The following UBE2M variants were observed in gnomAD, a reference collection of about 807,000 sequenced individuals.
UBE2M encodes the protein ubiquitin conjugating enzyme E2 M.
A neutral mutation model predicts 23.5 loss-of-function variants in UBE2M; 2 were observed. The observed-to-expected ratio is 0.09, with a 90% CI of 0.03 to 0.27. The LOEUF (loss-of-function observed/expected upper bound fraction) is 0.27, where lower values mean the gene tolerates loss of function less well. Ranked by LOEUF, UBE2M falls within the 10% of genes least tolerant of loss-of-function variation. The pLI is 1.00. For missense variants in UBE2M, 103 were observed against 232.9 expected (o/e 0.44, Z 3.63); for synonymous variants, 97 against 95.2 (o/e 1.02, Z -0.11).
Position 58,556,005 on chromosome 19 carries a change from C to G in UBE2M, c.*84G>C. 6.5e-7 allele frequency: 1 copy of G among 1,533,136 alleles called. No individual in the cohort carries two copies. Among genetic ancestry groups the G allele is most frequent in the South Asian group, 1.2e-5 (1 of 84,198 alleles). The allele number at this position is 1,533,136 out of a possible 1,614,324, so 95.0% of individuals were successfully genotyped here. A position where few individuals can be genotyped will look rare whatever the true frequency, so the allele number is the denominator to read the frequency against. On this transcript the variant is annotated 3_prime_UTR_variant, in exon 6 of 6. Transcript: ENST00000253023. This position sits in a 1 kb window ranked among gnomAD's most constrained non-coding sequence, Gnocchi z 4.9. ...GGGGATTCCCCCACCGGCCGCCCCC[C>G]AAACCCCTACCCATGGCCCCCAATA...
Position 58,555,907 on chromosome 19 carries a change from C to G in UBE2M, c.*182G>C. ...GTGGGTCGGGGGAGGCAGCGCCGACCTTAATCACATGGTGTTAAAAAAAAA... is the reference window on the plus strand; with the variant it reads ...GTGGGTCGGGGGAGGCAGCGCCGACGTTAATCACATGGTGTTAAAAAAAAA... On this transcript the variant is annotated 3_prime_UTR_variant, in exon 6 of 6. Transcript: ENST00000253023. 1 of 807,868 alleles carries G rather than the reference C, an allele frequency of 1.2e-6. No individual in the cohort carries two copies. The highest frequency in any genetic ancestry group is 2.7e-5 in the East Asian group (1 of 36,942). 50.0% of individuals were successfully genotyped at this position (807,868 alleles called of 1,614,324 possible). A position where few individuals can be genotyped will look rare whatever the true frequency, so the allele number is the denominator to read the frequency against.
rs1052964171 is a variant in UBE2M at position 58,556,267 on chromosome 19, A to G, written c.412-38T>C. ...CAGGTAGGGGGGGTCAACAGGCCAG[A>G]GGGACAGAAGGCCAATCTCCCCAGA... On this transcript the variant is annotated intron_variant, in intron 5 of 5. Transcript: ENST00000253023. This position sits in a 1 kb window ranked among gnomAD's most constrained non-coding sequence, Gnocchi z 4.9. 6.2e-6 allele frequency: 10 copies of G among 1,613,894 alleles called. No homozygotes were observed. The highest frequency in any genetic ancestry group is 1.6e-4 in the Middle Eastern group (1 of 6,084).
chr19:58,556,848 G>T lies in UBE2M; in HGVS notation c.243+44C>A. The T allele has an allele frequency of 6.2e-7, 1 of 1,613,790 alleles. No individual in the cohort carries two copies. Among genetic ancestry groups the T allele is most frequent in the African/African-American group, 1.3e-5 (1 of 75,038 alleles). On this transcript the variant is annotated intron_variant, in intron 3 of 5. Coordinates refer to ENST00000253023, the MANE Select transcript of UBE2M (RefSeq NM_003969.4). The surrounding 1 kb of genome is among the most constrained non-coding windows in gnomAD (Gnocchi z 4.9). ...GGTGCCTGGAAGGGCCTCAGCTGCTGCCTCCTCTGTCCAGGGAGCCATCCC... is the reference window on the plus strand; with the variant it reads ...GGTGCCTGGAAGGGCCTCAGCTGCTTCCTCCTCTGTCCAGGGAGCCATCCC...
In UBE2M at chr19:58,556,483, G is replaced by A; in HGVS notation, c.348-104C>T. ...ATCCAGGGCATAGGAGAGTGAGCAT[G>A]TGAGAGGCTGGGAGGGAGGGTGTGG... On this transcript the variant is annotated intron_variant, in intron 4 of 5. Coordinates refer to ENST00000253023, the MANE Select transcript of UBE2M (RefSeq NM_003969.4). The surrounding 1 kb of genome is among the most constrained non-coding windows in gnomAD (Gnocchi z 4.9). The A allele has an allele frequency of 1.5e-6, 2 of 1,305,634 alleles. No homozygotes were observed. The highest frequency in any genetic ancestry group is 2.2e-6 in the Non-Finnish European group (2 of 924,408). The allele number at this position is 1,305,634 out of a possible 1,614,324, so 80.9% of individuals were successfully genotyped here. A position where few individuals can be genotyped will look rare whatever the true frequency, so the allele number is the denominator to read the frequency against.
Position 58,558,446 on chromosome 19 carries a change from C to T in UBE2M, c.-65G>A, listed in dbSNP as rs1435121866. Reference sequence around the variant, plus strand: ...GGGACCCCGGCCACCCGGCCCCCCGCCGCCGCCCGCGTCGCCTCCGCTCCT... The same window carrying T: ...GGGACCCCGGCCACCCGGCCCCCCGTCGCCGCCCGCGTCGCCTCCGCTCCT... On this transcript the variant is annotated 5_prime_UTR_variant, in exon 1 of 6. Coordinates refer to ENST00000253023, the MANE Select transcript of UBE2M (RefSeq NM_003969.4). The surrounding 1 kb of genome is among the most constrained non-coding windows in gnomAD (Gnocchi z 4.7). 1 of 899,488 alleles carries T rather than the reference C, an allele frequency of 1.1e-6. No individual in the cohort carries two copies. Among genetic ancestry groups the T allele is most frequent in the Non-Finnish European group, 1.3e-6 (1 of 752,480 alleles). The allele number at this position is 899,488 out of a possible 1,614,324, so 55.7% of individuals were successfully genotyped here.
intron 2 of UBE2M, 52 bp downstream of exon 2, chr19:58,557,011 A>G: frequency 1.9e-6 from 3 of 1,613,592 alleles, no homozygotes; most frequent in Non-Finnish European, 2.5e-6. Flanking sequence ...CCCTCCTCTC[A>G]GTGGGGACAC....
chr19:58,557,214 G>T, intron 1 of UBE2M, 57 bp from the exon 2 acceptor site: 3 of 1,491,482 alleles, frequency 2.0e-6, no homozygotes, highest in Non-Finnish European at 1.9e-6. Flanking sequence ...GAGAGAGAGA[G>T]AGGGAGCCAG....
At position 58,557,084 on chromosome 19, in the gene UBE2M, C is replaced by A. The variant is rs2122656987; in HGVS notation, c.183G>T (p.Lys61Asn). The change falls in exon 2 of 6, where the codon AAG (lysine) becomes AAT (asparagine). Residue 61 changes from lysine (K) to asparagine (N), a missense_variant. Physicochemically the swap from Lys to Asn is moderately conservative, Grantham distance 94 (BLOSUM62 0). This residue lies in a region of UBE2M where 57 missense variants were observed against 103.3 expected (regional missense o/e 0.55). Transcript: ENST00000253023. ...FSDPDDLLNF[K>N]LVICPDEGFY... ...TCACCTCATCAGGACAGATGACCAGCTTGAAGTTGAGGAGGTCGTCTGGAT... is the reference window on the plus strand; with the variant it reads ...TCACCTCATCAGGACAGATGACCAGATTGAAGTTGAGGAGGTCGTCTGGAT... 9.3e-6 allele frequency: 15 copies of A among 1,614,026 alleles called. No individual in the cohort carries two copies. The highest frequency in any genetic ancestry group is 1.3e-5 in the Non-Finnish European group (15 of 1,179,960).
chr19:58,556,821 T>G lies in UBE2M; in HGVS notation c.244-31A>C. On this transcript the variant is annotated intron_variant, in intron 3 of 5. Coordinates refer to ENST00000253023, the MANE Select transcript of UBE2M (RefSeq NM_003969.4). This position sits in a 1 kb window ranked among gnomAD's most constrained non-coding sequence, Gnocchi z 4.9. ...TCCAGGAAAAGAAAAGAGAGATGGG[T>G]AGGTGCCTGGAAGGGCCTCAGCTGC... 5 of 1,611,792 alleles carry G rather than the reference T, an allele frequency of 3.1e-6. No individual in the cohort carries two copies. Among genetic ancestry groups the G allele is most frequent in the Non-Finnish European group, 4.2e-6 (5 of 1,178,876 alleles).
chr19:58,555,790 G>T lies in UBE2M; in HGVS notation c.*299C>A. ...GGGTTGCCTGGGCCCAGCTACCCAGGCCCGTTGCCCACCCACTCCACAGCC... is the reference window on the plus strand; with the variant it reads ...GGGTTGCCTGGGCCCAGCTACCCAGTCCCGTTGCCCACCCACTCCACAGCC... On this transcript the variant is annotated 3_prime_UTR_variant, in exon 6 of 6. Coordinates refer to ENST00000253023, the MANE Select transcript of UBE2M (RefSeq NM_003969.4). 1 of 426,298 alleles carries T rather than the reference G, an allele frequency of 2.3e-6. No individual in the cohort carries two copies. Among genetic ancestry groups the T allele is most frequent in the Non-Finnish European group, 4.4e-6 (1 of 229,708 alleles). The allele number at this position is 426,298 out of a possible 1,614,324, so 26.4% of individuals were successfully genotyped here.
rs1034168895 is a variant in UBE2M, at chr19:58,556,868, C to T, written c.243+24G>A. ...CTGCTGCCTCCTCTGTCCAGGGAGCCATCCCTGCCCGCCTGGGACTCACCT... is the reference window on the plus strand; with the variant it reads ...CTGCTGCCTCCTCTGTCCAGGGAGCTATCCCTGCCCGCCTGGGACTCACCT... On this transcript the variant is annotated intron_variant, in intron 3 of 5. Coordinates refer to ENST00000253023, the MANE Select transcript of UBE2M (RefSeq NM_003969.4). This position sits in a 1 kb window ranked among gnomAD's most constrained non-coding sequence, Gnocchi z 4.9. 5 of 1,614,046 alleles carry T rather than the reference C, an allele frequency of 3.1e-6. No homozygotes were observed. Among genetic ancestry groups the T allele is most frequent in the Non-Finnish European group, 4.2e-6 (5 of 1,179,960 alleles).
At position 58,558,443 on chromosome 19, in the gene UBE2M, C is replaced by G. The variant is rs1304325172; in HGVS notation, c.-62G>C. ...CCCGGGACCCCGGCCACCCGGCCCC[C>G]CGCCGCCGCCCGCGTCGCCTCCGCT... On this transcript the variant is annotated 5_prime_UTR_variant, in exon 1 of 6. Transcript: ENST00000253023. This position sits in a 1 kb window ranked among gnomAD's most constrained non-coding sequence, Gnocchi z 4.7. 2.2e-6 allele frequency: 2 copies of G among 894,842 alleles called. No homozygotes were observed. The highest frequency in any genetic ancestry group is 2.7e-6 in the Non-Finnish European group (2 of 748,386). 55.4% of individuals were successfully genotyped at this position (894,842 alleles called of 1,614,324 possible).
chr19:58,556,067 CG>C lies in UBE2M; in HGVS notation c.*21del. The C allele has an allele frequency of 1.3e-6, 2 of 1,587,970 alleles. No individual in the cohort carries two copies. The highest frequency in any genetic ancestry group is 1.1e-5 in the South Asian group (1 of 90,564). The stretch of plus-strand genomic sequence containing the variant: ...GGGATGCCAGGGCTTGTGGCCGTGG[CG>C]GGGGTGGGTATGCGCCAACCCTATT... On this transcript the variant is annotated 3_prime_UTR_variant, in exon 6 of 6. Coordinates refer to ENST00000253023, the MANE Select transcript of UBE2M (RefSeq NM_003969.4). This position sits in a 1 kb window ranked among gnomAD's most constrained non-coding sequence, Gnocchi z 4.9.
chr19:58,557,576 G>C (rs1045563095), intron 1 of UBE2M, among the ~76,000 whole-genome samples: 1 of 149,312 alleles, frequency 6.7e-6, no homozygotes, highest in Admixed American at 6.7e-5. Context: ...CCAACCCTCA[G>C]TCCTCACTGT....
In UBE2M at chr19:58,556,852, CCT is replaced by C. The variant is rs779928620; in HGVS notation, c.243+38_243+39del. ...CCTGGAAGGGCCTCAGCTGCTGCCT[CCT>C]CTGTCCAGGGAGCCATCCCTGCCCG... is the stretch of plus-strand genomic sequence containing the variant. On this transcript the variant is annotated intron_variant, in intron 3 of 5. Transcript: ENST00000253023. This position sits in a 1 kb window ranked among gnomAD's most constrained non-coding sequence, Gnocchi z 4.9. 2 of 1,613,960 alleles carry C rather than the reference CCT, an allele frequency of 1.2e-6. No individual in the cohort carries two copies. The highest frequency in any genetic ancestry group is 1.7e-6 in the Non-Finnish European group (2 of 1,179,912).
Position 58,556,876 on chromosome 19 carries a change from C to G in UBE2M, c.243+16G>C. On this transcript the variant is annotated intron_variant, in intron 3 of 5. Coordinates refer to ENST00000253023, the MANE Select transcript of UBE2M (RefSeq NM_003969.4). This position sits in a 1 kb window ranked among gnomAD's most constrained non-coding sequence, Gnocchi z 4.9. ...TCCTCTGTCCAGGGAGCCATCCCTG[C>G]CCGCCTGGGACTCACCTTAAAACTG... The G allele has an allele frequency of 6.2e-7, 1 of 1,614,060 alleles. No individual in the cohort carries two copies. Among genetic ancestry groups the G allele is most frequent in the Non-Finnish European group, 8.5e-7 (1 of 1,179,984 alleles).
At position 58,556,780 on chromosome 19, in the gene UBE2M, C is replaced by T; in HGVS notation, c.254G>A (p.Gly85Asp). Reference protein sequence around the residue: ...KFVFSFKVGQGYPHDPPKVKC... With the variant: ...KFVFSFKVGQDYPHDPPKVKC... Reference sequence around the variant, plus strand: ...CACCTTGGGGGGATCATGCGGGTAACCCTGGCCCACCTGGCTCCAGGAAAA... The same window carrying T: ...CACCTTGGGGGGATCATGCGGGTAATCCTGGCCCACCTGGCTCCAGGAAAA... The change falls in exon 4 of 6, where the codon GGT (glycine) becomes GAT (aspartate). Residue 85 changes from glycine to aspartate, a missense_variant. Physicochemically the swap from Gly to Asp is moderately conservative, Grantham distance 94. This residue lies in a region of UBE2M where 57 missense variants were observed against 103.3 expected (regional missense o/e 0.55). Coordinates refer to ENST00000253023, the MANE Select transcript of UBE2M (RefSeq NM_003969.4). This position sits in a 1 kb window ranked among gnomAD's most constrained non-coding sequence, Gnocchi z 4.9. 1 of 1,596,484 alleles carries T rather than the reference C, an allele frequency of 6.3e-7. No homozygotes were observed. The highest frequency in any genetic ancestry group is 8.5e-7 in the Non-Finnish European group (1 of 1,171,126).
In UBE2M at chr19:58,556,597, A is replaced by C; in HGVS notation, c.347+90T>G. ...AACCACAGACAACAAAGGGGTGGGA[A>C]GGGACAGAGTCTGATGTAGTGCCCA... On this transcript the variant is annotated intron_variant, in intron 4 of 5. Transcript: ENST00000253023. This position sits in a 1 kb window ranked among gnomAD's most constrained non-coding sequence, Gnocchi z 4.9. 1 of 1,221,562 alleles carries C rather than the reference A, an allele frequency of 8.2e-7. No individual in the cohort carries two copies. Among genetic ancestry groups the C allele is most frequent in the South Asian group, 1.5e-5 (1 of 67,116 alleles). The allele number at this position is 1,221,562 out of a possible 1,614,324, so 75.7% of individuals were successfully genotyped here.
intron 1 of UBE2M, among the ~76,000 whole-genome samples, chr19:58,557,753 C>T (rs534006651): frequency 5.3e-5 from 8 of 150,786 alleles, no homozygotes; most frequent in African/African-American, 1.9e-4. Flanking sequence ...CATTAACCTT[C>T]CCTCCTCCAC....
Sources: allele counts gnomAD v4.1 joint callset (sites outside exome capture counted in the v4.1 genomes callset), GRCh38; gene constraint gnomAD v4.1.1; regional missense constraint gnomAD v4.1.1; non-coding constraint Gnocchi (gnomAD v3.1); transcripts MANE v1.5; gene names NCBI Gene and HGNC (gene_info 2026-07-23, HGNC 2026-07-21).